MGAT5: variants seen among roughly 807,000 people sequenced by gnomAD.
MGAT5 encodes the protein alpha-1,6-mannosylglycoprotein 6-beta-N-acetylglucosaminyltransferase.
MGAT5 carries 30 observed loss-of-function variants against 94.3 expected under a neutral mutation model. The observed-to-expected ratio is 0.32, with a 90% CI of 0.24 to 0.43. MGAT5 has a LOEUF of 0.43. MGAT5 is among the 20% of genes least tolerant of loss of function. The probability of loss-of-function intolerance (pLI) is 1.00; values close to 1 mark genes in which losing one functional copy is unlikely to be tolerated. For missense variants in MGAT5, 691 were observed against 905.5 expected, an observed-to-expected ratio of 0.76 and a Z score of 3.04; for synonymous variants, 310 against 322.9, an observed-to-expected ratio of 0.96 and a Z score of 0.43.
rs889829951 is a variant in MGAT5 at position 134,268,733 on chromosome 2, A to T, written c.242-1653A>T. ...TGCCAGCCAGTATTCAAAACACCTT[A>T]TAAATATTAACTCTTTAACTCCTCT... On this transcript the variant is annotated intron_variant, in intron 1 of 15. Coordinates refer to ENST00000281923, the MANE Select transcript of MGAT5 (RefSeq NM_002410.5). This position sits in a 1 kb window ranked among gnomAD's most constrained non-coding sequence, Gnocchi z 4.1. 6.6e-6 allele frequency among the ~76,000 whole-genome samples: 1 copy of T among 152,226 alleles called. No individual in the cohort carries two copies. The highest frequency in any genetic ancestry group is 2.4e-5 in the African/African-American group (1 of 41,458).
At position 134,370,228 on chromosome 2, in the gene MGAT5, A is replaced by G. The variant is rs139518796; in HGVS notation, c.1380+7820A>G. On this transcript the variant is annotated intron_variant, in intron 10 of 15. Coordinates refer to ENST00000281923, the MANE Select transcript of MGAT5 (RefSeq NM_002410.5). ...TTAATGAACCACCCAAGACCTTTGT[A>G]ATTAAAGAATGTACTGAAACCCTTG... 2.4e-3 allele frequency among the ~76,000 whole-genome samples: 368 copies of G among 152,334 alleles called. 1 individual carries two copies. The highest frequency in any genetic ancestry group is 2.6e-3 in the Non-Finnish European group (175 of 68,024).
chr2:134,202,307 C>A (rs1242421789), intron 1 of MGAT5, among the ~76,000 whole-genome samples: 1 of 152,194 alleles, frequency 6.6e-6, no homozygotes, highest in Non-Finnish European at 1.5e-5. Context: ...AGGGAGGAGC[C>A]CTTGTGAATG....
intron 1 of MGAT5, among the ~76,000 whole-genome samples, chr2:134,256,316 A>G (rs1204428375): frequency 6.6e-6 from 1 of 152,224 alleles, no homozygotes; most frequent in East Asian, 1.9e-4. Context: ...AGTGTTACCA[A>G]TGTATATGAC....
chr2:134,427,972 T>C (rs1379930148), intron 13 of MGAT5, among the ~76,000 whole-genome samples: 1 of 152,242 alleles, frequency 6.6e-6, no homozygotes, highest in Admixed American at 6.5e-5. Flanking sequence ...ATCACTAGAA[T>C]GTAAAGATGA....
At chr2:134,181,815 C>T (rs1363600287) in intron 1 of MGAT5, among the ~76,000 whole-genome samples, 1 of 152,230 alleles carries the variant, frequency 6.6e-6, no homozygotes, top group Non-Finnish European at 1.5e-5. Context: ...CAGCTCCACA[C>T]TTCGCCTTGA....
At chr2:134,378,082 G>A (rs535088263) in intron 10 of MGAT5, among the ~76,000 whole-genome samples, 7 of 152,296 alleles carry the variant, frequency 4.6e-5, no homozygotes, top group South Asian at 2.1e-4. Flanking sequence ...CAAATTCATC[G>A]TTTCTAATTG....
intron 11 of MGAT5, among the ~76,000 whole-genome samples, chr2:134,403,572 A>G (rs1683178532): frequency 6.6e-6 from 1 of 152,188 alleles, no homozygotes; most frequent in African/African-American, 2.4e-5. Context: ...CCAAGTACGC[A>G]TTGGACAGTG....
intron 2 of MGAT5, among the ~76,000 whole-genome samples, chr2:134,300,502 A>T (rs1204446473): frequency 6.6e-6 from 1 of 152,138 alleles, no homozygotes; most frequent in African/African-American, 2.4e-5. Flanking sequence ...GCCCAACACT[A>T]TACACAATTA....
chr2:134,274,727 G>A (rs1000954819), intron 2 of MGAT5, among the ~76,000 whole-genome samples: 6 of 152,172 alleles, frequency 3.9e-5, no homozygotes, highest in Non-Finnish European at 8.8e-5. Context: ...TAATTGCAAG[G>A]TCACTTGGGA....
In MGAT5 at chr2:134,448,902, C is replaced by T; in HGVS notation, c.*55C>T. On this transcript the variant is annotated 3_prime_UTR_variant, in exon 16 of 16. Coordinates refer to ENST00000281923, the MANE Select transcript of MGAT5 (RefSeq NM_002410.5). ...GCTGGGGAAGACAGTGGCCCCAGCC[C>T]CGTCAGGCAGGGCCAGGGACAGAAG... The T allele has an allele frequency of 1.9e-6, 3 of 1,545,650 alleles. No homozygotes were observed. In the East Asian group the frequency reaches 7.0e-5, roughly 36 times the overall value.
rs183360749 is a variant in MGAT5, at chr2:134,347,292, G to T, written c.1112+2228G>T. ...CCCAAGCCAAAGCCTCAAGTAAAAG[G>T]ATGTCGAATTATAAATTTCTGAGAG... On this transcript the variant is annotated intron_variant, in intron 8 of 15. Transcript: ENST00000281923. Among the ~76,000 whole-genome samples the T allele has an allele frequency of 7.2e-5, 11 of 152,206 alleles. No individual in the cohort carries two copies. In the East Asian group the frequency reaches 2.1e-3, roughly 29 times the overall value.
At chr2:134,163,601 G>T (rs968576779) in intron 1 of MGAT5, among the ~76,000 whole-genome samples, 1 of 152,170 alleles carries the variant, frequency 6.6e-6, no homozygotes, top group Non-Finnish European at 1.5e-5. Flanking sequence ...GAGGAGAGAG[G>T]TACATTTGTC....
intron 10 of MGAT5, among the ~76,000 whole-genome samples, chr2:134,375,830 G>C (rs773179714): frequency 6.6e-6 from 1 of 152,148 alleles, no homozygotes; most frequent in Admixed American, 6.5e-5. Context: ...AGCACATCTC[G>C]TCAACTGGAG....
At chr2:134,312,390 C>T (rs1686729136) in intron 2 of MGAT5, among the ~76,000 whole-genome samples, 2 of 152,218 alleles carry the variant, frequency 1.3e-5, no homozygotes, top group South Asian at 4.1e-4. Context: ...ACTACTGCAG[C>T]TTCCTGCTGT....
chr2:134,330,196 T>C (rs1687878690), intron 4 of MGAT5, among the ~76,000 whole-genome samples: 1 of 152,172 alleles, frequency 6.6e-6, no homozygotes, highest in Admixed American at 6.5e-5. Context: ...TCTTATAGGA[T>C]AATAAAATTA....
At chr2:134,374,759 G>A (rs559502824) in intron 10 of MGAT5, among the ~76,000 whole-genome samples, 399 of 152,278 alleles carry the variant, frequency 2.6e-3, no homozygotes, top group Admixed American at 3.6e-3. Flanking sequence ...TTGGAAGGCC[G>A]AGGTGGGCAG....
intron 1 of MGAT5, among the ~76,000 whole-genome samples, chr2:134,258,505 AGTT>A (rs776755861): frequency 1.2e-4 from 18 of 152,232 alleles, no homozygotes; most frequent in Admixed American, 5.2e-4. Context: ...AGAGTTGAGT[AGTT>A]GTCATACAGA....
intron 4 of MGAT5, among the ~76,000 whole-genome samples, chr2:134,327,643 A>G (rs571365691): frequency 6.6e-6 from 1 of 152,224 alleles, no homozygotes; most frequent in African/African-American, 2.4e-5. Context: ...TTATTTCTGG[A>G]ATTTTTTATT....
intron 1 of MGAT5, among the ~76,000 whole-genome samples, chr2:134,217,617 T>G (rs1344479977): frequency 6.6e-6 from 1 of 152,234 alleles, no homozygotes; most frequent in South Asian, 2.1e-4. Context: ...TGATTGACTT[T>G]GGGTGATTTC....
Sources: gnomAD v4.1 joint callset for allele counts (sites outside exome capture counted in the v4.1 genomes callset) on GRCh38, gnomAD v4.1.1 for gene constraint, Gnocchi (gnomAD v3.1) non-coding constraint, MANE v1.5 for transcripts, NCBI Gene and HGNC (gene_info 2026-07-23, HGNC 2026-07-21) for gene names.